The following DNAH9 variants were observed in gnomAD, a reference collection of about 807,000 sequenced individuals.
The protein encoded by DNAH9 is dynein axonemal heavy chain 9.
Under a neutral mutation model 471.6 loss-of-function variants are expected in DNAH9, and 345 were observed. The observed-to-expected ratio is 0.73, with a 90% CI of 0.67 to 0.80. DNAH9 has a LOEUF of 0.80. DNAH9 is among the 30% of genes least tolerant of loss of function. The probability of loss-of-function intolerance (pLI) is 0.00; values close to 1 mark genes in which losing one functional copy is unlikely to be tolerated. For missense variants in DNAH9, 5,407 were observed against 5,609.2 expected (o/e 0.96, Z 1.15); for synonymous variants, 2,093 against 2,123.6 (o/e 0.99, Z 0.40).
intron 43 of DNAH9, among the ~76,000 whole-genome samples, chr17:11,802,800 G>A (rs866139582): frequency 3.9e-5 from 6 of 152,110 alleles, no homozygotes; most frequent in Non-Finnish European, 5.9e-5. Flanking sequence ...ACTCGAGCTC[G>A]CATCATCTTT....
chr17:11,602,038 A>T lies in DNAH9; in HGVS notation c.417+3123A>T, dbSNP rs182162876. On this transcript the variant is annotated intron_variant, in intron 1 of 68. Transcript: ENST00000262442. ...ACAGAATTTAGTAACTTGTTCTCCT[A>T]CTTCCTTACTTCCTCCTCCAACCAC... is the stretch of plus-strand genomic sequence containing the variant. 2.6e-5 allele frequency among the ~76,000 whole-genome samples: 4 copies of T among 152,286 alleles called. No individual in the cohort carries two copies. In the East Asian group the frequency reaches 5.8e-4, roughly 22 times the overall value.
chr17:11,820,504 A>C (rs1444906157), intron 45 of DNAH9, among the ~76,000 whole-genome samples: 1 of 151,882 alleles, frequency 6.6e-6, no homozygotes, highest in African/African-American at 2.4e-5. Flanking sequence ...ACAAAAAGTA[A>C]CTAAGCATAG....
chr17:11,965,918 C>A (rs114876432), intron 68 of DNAH9, among the ~76,000 whole-genome samples: 1,642 of 147,568 alleles, frequency 0.011, 32 homozygotes, highest in African/African-American at 0.038. Context: ...GAAATTATCC[C>A]GTTAGAAGAA....
chr17:11,942,981 C>T (rs1156802107), intron 67 of DNAH9, among the ~76,000 whole-genome samples: 2 of 149,968 alleles, frequency 1.3e-5, no homozygotes, highest in East Asian at 2.0e-4. Flanking sequence ...CTGCAAGCTC[C>T]ACCTCCTGGG....
In DNAH9 at chr17:11,902,884, C is replaced by T. The variant is rs779372233; in HGVS notation, c.11572C>T (p.Arg3858Trp). 1.5e-5 allele frequency: 25 copies of T among 1,613,520 alleles called. No individual in the cohort carries two copies. The highest frequency in any genetic ancestry group is 2.2e-5 in the East Asian group (1 of 44,882). ...GCGCCTCTGCATGCTGAGAGCCATG[C>T]GGCCCGACCGGATGACCTATGCTTT... ...LQRLCMLRAM[R>W]PDRMTYALRD... The change falls in exon 60 of 69, where the codon CGG (arginine) becomes TGG (tryptophan). Residue 3858 changes from arginine (R) to tryptophan (W), a missense_variant. Around this residue, in one of 3 missense-constraint regions of DNAH9, gnomAD observed 4,636 missense variants for 4,900.3 expected, o/e 0.95. Transcript: ENST00000262442.
intron 1 of DNAH9, among the ~76,000 whole-genome samples, chr17:11,600,933 C>T (rs1463916352): frequency 6.6e-6 from 1 of 152,232 alleles, no homozygotes; most frequent in African/African-American, 2.4e-5. Flanking sequence ...TCCAGCATCA[C>T]TGAAACTCCA....
intron 41 of DNAH9, among the ~76,000 whole-genome samples, chr17:11,790,674 A>C (rs1223690122): frequency 6.6e-6 from 1 of 151,882 alleles, no homozygotes; most frequent in Non-Finnish European, 1.5e-5. Context: ...ATATAATAAT[A>C]TATTTATGAT....
chr17:11,903,039 G>A (rs1973465774), intron 60 of DNAH9, 127 bp downstream of exon 60: 1 of 1,096,458 alleles, frequency 9.1e-7, no homozygotes, highest in Non-Finnish European at 1.3e-6. Flanking sequence ...TAGAGGGTGG[G>A]AATAGAAATT....
At chr17:11,829,619 G>A (rs1191923523) in intron 48 of DNAH9, among the ~76,000 whole-genome samples, 1 of 152,014 alleles carries the variant, frequency 6.6e-6, no homozygotes, top group Non-Finnish European at 1.5e-5. Context: ...CTACAGGTGC[G>A]TGCCACCGTG....
chr17:11,619,862 T>G, intron 6 of DNAH9, 81 bp downstream of exon 6: 1 of 785,788 alleles, frequency 1.3e-6, no homozygotes, highest in Non-Finnish European at 2.2e-6. Flanking sequence ...AATAGGAAAA[T>G]GCACAACACA....
In DNAH9 at chr17:11,684,502, A is replaced by G. The variant is rs1466758311; in HGVS notation, c.3743+3613A>G. 3.3e-5 allele frequency among the ~76,000 whole-genome samples: 5 copies of G among 152,182 alleles called. No homozygotes were observed. In the East Asian group the frequency reaches 9.6e-4, roughly 29 times the overall value. On this transcript the variant is annotated intron_variant, in intron 19 of 68. Transcript: ENST00000262442. ...CCAGTTCTCCCTCTTGAATGAAAGG[A>G]ATGCCCCCATGCTCTAGTGGTGTTT...
In DNAH9 at chr17:11,932,012, A is replaced by G. The variant is rs150392015; in HGVS notation, c.12106-2A>G. 1.2e-6 allele frequency: 2 copies of G among 1,613,872 alleles called. No individual in the cohort carries two copies. Among genetic ancestry groups the G allele is most frequent in the African/African-American group, 2.7e-5 (2 of 74,912 alleles). On this transcript the variant is annotated splice_acceptor_variant, in intron 63 of 68. Coordinates refer to ENST00000262442, the MANE Select transcript of DNAH9 (RefSeq NM_001372.4). LOFTEE classifies it high-confidence loss of function. This position sits in a 1 kb window ranked among gnomAD's most constrained non-coding sequence, Gnocchi z 4.3. ...ACCTTAAAAGCGACACTCTCATTTC[A>G]GGACACTCTGGAGATGTGTTCTCGG...
intron 11 of DNAH9, among the ~76,000 whole-genome samples, chr17:11,646,388 T>C (rs1597428875): frequency 2.6e-5 from 4 of 152,176 alleles, no homozygotes; most frequent in Admixed American, 6.5e-5. Context: ...TACTGTCAGG[T>C]ACTCATCCAT....
chr17:11,737,039 T>C (rs1171721415), intron 28 of DNAH9, among the ~76,000 whole-genome samples: 2 of 152,212 alleles, frequency 1.3e-5, no homozygotes, highest in Admixed American at 6.5e-5. Flanking sequence ...AGAGGCTCCA[T>C]GGCAGAGCTG....
At chr17:11,612,088 G>A (rs2072650759) in intron 4 of DNAH9, 5 of 586,056 alleles carry the variant, frequency 8.5e-6, no homozygotes, top group South Asian at 4.3e-5. Flanking sequence ...AGATTATACA[G>A]GTGGAAGAAC....
At chr17:11,910,032 G>T (rs1200329324) in intron 61 of DNAH9, among the ~76,000 whole-genome samples, 1 of 152,110 alleles carries the variant, frequency 6.6e-6, no homozygotes, top group African/African-American at 2.4e-5. Flanking sequence ...GAGGCAGGTG[G>T]ATCATGAGGT....
intron 67 of DNAH9, among the ~76,000 whole-genome samples, chr17:11,948,389 C>T (rs536316506): frequency 1.6e-4 from 24 of 151,942 alleles, no homozygotes; most frequent in Admixed American, 4.6e-4. Flanking sequence ...CCACCGTGCC[C>T]GGCTAATTTT....
intron 41 of DNAH9, among the ~76,000 whole-genome samples, chr17:11,787,875 G>C (rs1356742170): frequency 6.6e-6 from 1 of 152,196 alleles, no homozygotes; most frequent in African/African-American, 2.4e-5. Flanking sequence ...TGTAAGAAGT[G>C]CCTTTTGCCT....
chr17:11,931,877 A>G, intron 63 of DNAH9, 137 bp from the exon 64 acceptor site: 1 of 911,186 alleles, frequency 1.1e-6, no homozygotes, highest in East Asian at 2.4e-5. Flanking sequence ...CCCAGGCTGT[A>G]GTCTCGCTGT....
Sources: allele counts gnomAD v4.1 joint callset (sites outside exome capture counted in the v4.1 genomes callset), GRCh38; gene constraint gnomAD v4.1.1; regional missense constraint gnomAD v4.1.1; non-coding constraint Gnocchi (gnomAD v3.1); transcripts MANE v1.5; gene names NCBI Gene and HGNC (gene_info 2026-07-23, HGNC 2026-07-21).